Variants in TEX36 observed in about 807,000 individuals in gnomAD.
The protein encoded by TEX36 is testis expressed 36, also known as testis-expressed protein 36.
Under a neutral mutation model 13.6 loss-of-function variants are expected in TEX36, and 12 were observed. The ratio of observed to expected loss-of-function variants is 0.88; its 90% CI spans 0.56 to 1.43. TEX36 has a LOEUF of 1.43. Among genes scored for constraint, TEX36 ranks in the 40% most tolerant of loss-of-function variants. The pLI is 0.00. For synonymous variants in TEX36, 93 were observed against 83.0 expected, an observed-to-expected ratio of 1.12 and a Z score of -0.65; for missense variants, 224 against 228.3, an observed-to-expected ratio of 0.98 and a Z score of 0.12.
intron 3 of TEX36, among the ~76,000 whole-genome samples, chr10:125,609,164 C>A (rs59212044): frequency 0.029 from 1,544 of 52,512 alleles, 76 homozygotes; most frequent in African/African-American, 0.24. Context: ...CAGGAAAAAA[C>A]AAAACAAAAA....
chr10:125,666,937 G>T, intron 1 of TEX36: 2 of 655,900 alleles, frequency 3.0e-6, no homozygotes, highest in East Asian at 3.1e-5. Flanking sequence ...TCACTGCTTG[G>T]GGTGTACTTT....
At chr10:125,580,990 C>T (rs1264933517) in intron 3 of TEX36, among the ~76,000 whole-genome samples, 2 of 152,150 alleles carry the variant, frequency 1.3e-5, no homozygotes, top group Admixed American at 6.5e-5. Flanking sequence ...AGTGAAAAAA[C>T]CAGCAGACAC....
At chr10:125,599,999 C>T (rs1411078359) in intron 3 of TEX36, among the ~76,000 whole-genome samples, 1 of 152,288 alleles carries the variant, frequency 6.6e-6, no homozygotes, top group African/African-American at 2.4e-5. Context: ...GCTTCAGTCC[C>T]TCATTTCAGG....
chr10:125,679,772 A>G (rs768790796), intron 1 of TEX36, among the ~76,000 whole-genome samples: 5 of 152,142 alleles, frequency 3.3e-5, no homozygotes, highest in Non-Finnish European at 5.9e-5. Flanking sequence ...CTGCCTGTAC[A>G]CTATTTTGGT....
intron 1 of TEX36, chr10:125,667,785 A>C (rs3740187): frequency 1.0e-6 from 1 of 981,838 alleles, no homozygotes; most frequent in Non-Finnish European, 1.6e-6. Flanking sequence ...TAGAAGCGCC[A>C]GTTCTCTTTG....
downstream of TEX36, among the ~76,000 whole-genome samples, chr10:125,651,297 C>G (rs996465382): frequency 2.6e-5 from 4 of 152,168 alleles, no homozygotes; most frequent in African/African-American, 4.8e-5. Flanking sequence ...GCTTATCCAC[C>G]ATGATCAAGT....
intron 3 of TEX36, among the ~76,000 whole-genome samples, chr10:125,623,816 A>T (rs1846454422): frequency 6.6e-6 from 1 of 152,250 alleles, no homozygotes; most frequent in Non-Finnish European, 1.5e-5. Context: ...AGGATTGGAC[A>T]TAAATTATTT....
chr10:125,681,001 T>G lies in TEX36; in HGVS notation c.51+1938A>C, dbSNP rs145740941. Among the ~76,000 whole-genome samples, 186 of 152,320 alleles carry G rather than the reference T, an allele frequency of 1.2e-3. 1 individual carries two copies. The highest frequency in any genetic ancestry group is 4.3e-3 in the African/African-American group (177 of 41,570). Reference sequence around the variant, plus strand: ...ACACCTCCTCAGACACCCTTTTAGCTAAATTGGCCATGTGACACAGTGAGA... The same window carrying G: ...ACACCTCCTCAGACACCCTTTTAGCGAAATTGGCCATGTGACACAGTGAGA... On this transcript the variant is annotated intron_variant, in intron 1 of 3. Coordinates refer to ENST00000368821, the MANE Select transcript of TEX36 (RefSeq NM_001128202.3).
At chr10:125,631,804 G>T (rs1394576444) in intron 3 of TEX36, among the ~76,000 whole-genome samples, 1 of 152,222 alleles carries the variant, frequency 6.6e-6, no homozygotes, top group Non-Finnish European at 1.5e-5. Flanking sequence ...GACACAGAAA[G>T]TGAGTATTTG....
chr10:125,576,573 G>T, exon 4 of TEX36: 1 of 870,382 alleles, frequency 1.1e-6, no homozygotes, highest in Non-Finnish European at 1.7e-6. Flanking sequence ...ACACAGGCAA[G>T]CAGAATAAGA....
At chr10:125,608,161 T>A (rs1022227797) in intron 3 of TEX36, among the ~76,000 whole-genome samples, 3 of 152,120 alleles carry the variant, frequency 2.0e-5, no homozygotes, top group African/African-American at 7.2e-5. Context: ...AGGACACTGT[T>A]CACAATAAAG....
intron 3 of TEX36, among the ~76,000 whole-genome samples, chr10:125,615,636 C>T (rs1846347418): frequency 1.3e-5 from 2 of 150,724 alleles, no homozygotes; most frequent in South Asian, 4.2e-4. Flanking sequence ...ATGAAGCCCA[C>T]TTGATCATGG....
intron 1 of TEX36, among the ~76,000 whole-genome samples, chr10:125,677,038 A>C (rs1847323775): frequency 6.6e-6 from 1 of 152,132 alleles, no homozygotes; most frequent in South Asian, 2.1e-4. Flanking sequence ...TTGTCTTATG[A>C]CCTGTAAGGT....
At chr10:125,594,026 G>A (rs762839333) in intron 3 of TEX36, among the ~76,000 whole-genome samples, 2 of 152,194 alleles carry the variant, frequency 1.3e-5, no homozygotes, top group Admixed American at 6.5e-5. Flanking sequence ...GGAGACAGGC[G>A]AGCACGCTGG....
intron 3 of TEX36, among the ~76,000 whole-genome samples, chr10:125,584,573 A>G (rs1845920684): frequency 6.6e-6 from 1 of 152,200 alleles, no homozygotes; most frequent in Admixed American, 6.5e-5. Flanking sequence ...TTGGAGATAG[A>G]AGCTTTAGGG....
At chr10:125,620,254 C>A (rs908090905), downstream of TEX36, among the ~76,000 whole-genome samples, 1 of 152,114 alleles carries the variant, frequency 6.6e-6, no homozygotes, top group Non-Finnish European at 1.5e-5. Flanking sequence ...CAAATCCTTG[C>A]GAGCACTAGG....
chr10:125,590,610 C>G lies in TEX36; in HGVS notation c.265-13736G>C, dbSNP rs552847810. Among the ~76,000 whole-genome samples the G allele has an allele frequency of 5.3e-5, 8 of 152,202 alleles. No individual in the cohort carries two copies. The South Asian group carries it at 1.7e-3, about 32-fold the overall frequency. ...CTAAAAGTGTTTCCTGAAAACCAGT[C>G]CCATCCAGTGGAAGTCCATGTCAAT... On this transcript the variant is annotated intron_variant, in intron 3 of 3. Transcript: ENST00000532135.
At chr10:125,622,198 C>T (rs1023159607) in intron 3 of TEX36, among the ~76,000 whole-genome samples, 4 of 152,198 alleles carry the variant, frequency 2.6e-5, no homozygotes, top group South Asian at 4.1e-4. Context: ...TTATGCCTAA[C>T]ATAATACAGC....
rs1440638341 is a variant in TEX36 at position 125,655,777 on chromosome 10, C to T, written c.*123G>A. On this transcript the variant is annotated 3_prime_UTR_variant, in exon 4 of 4. Coordinates refer to ENST00000368821, the MANE Select transcript of TEX36 (RefSeq NM_001128202.3). ...CACAAGGATTTGAATGTTTTTTGAC[C>T]TTATAAAAATCATAAAAGTACTTTA... is the stretch of plus-strand genomic sequence containing the variant. 2 of 1,338,772 alleles carry T rather than the reference C, an allele frequency of 1.5e-6. No homozygotes were observed. Among genetic ancestry groups the T allele is most frequent in the African/African-American group, 1.5e-5 (1 of 67,080 alleles). 82.9% of individuals were successfully genotyped at this position (1,338,772 alleles called of 1,614,324 possible).
Sources: gnomAD v4.1 joint callset for allele counts (sites outside exome capture counted in the v4.1 genomes callset) on GRCh38, gnomAD v4.1.1 for gene constraint, MANE v1.5 for transcripts, NCBI Gene and HGNC (gene_info 2026-07-23, HGNC 2026-07-21) for gene names.